The following NUDT21 variants were observed in gnomAD, a reference collection of about 807,000 sequenced individuals.
The protein encoded by NUDT21 is cleavage and polyadenylation specificity factor subunit 5.
A neutral mutation model predicts 29.8 loss-of-function variants in NUDT21; 5 were observed. The observed-to-expected ratio is 0.17, with a 90% CI of 0.09 to 0.35. NUDT21 has a LOEUF of 0.35. NUDT21 is among the 10% of genes least tolerant of loss of function. NUDT21 has a pLI of 1.00. For missense variants in NUDT21, 76 were observed against 276.0 expected, an observed-to-expected ratio of 0.28 and a Z score of 5.13; for synonymous variants, 113 against 98.5, an observed-to-expected ratio of 1.15 and a Z score of -0.87.
intron 4 of NUDT21, among the ~76,000 whole-genome samples, chr16:56,437,966 G>A (rs758235486): frequency 6.6e-6 from 1 of 151,958 alleles, no homozygotes; most frequent in Non-Finnish European, 1.5e-5. Context: ...CAACCCTTAT[G>A]AATTCATAGA....
chr16:56,449,420 A>G (rs74389740), intron 1 of NUDT21, among the ~76,000 whole-genome samples: 6,334 of 152,322 alleles, frequency 0.042, 159 homozygotes, highest in East Asian at 0.13. Context: ...TTCATGCAAT[A>G]TTTCCTAAAA....
At chr16:56,436,964 G>C (rs1258254613) in intron 4 of NUDT21, among the ~76,000 whole-genome samples, 2 of 152,150 alleles carry the variant, frequency 1.3e-5, no homozygotes, top group African/African-American at 4.8e-5. Flanking sequence ...GAAAACCACT[G>C]GGGTCACTAC....
chr16:56,436,697 T>C (rs1036691289), intron 4 of NUDT21, among the ~76,000 whole-genome samples: 1 of 152,204 alleles, frequency 6.6e-6, no homozygotes, highest in African/African-American at 2.4e-5. Context: ...AGGCTACATG[T>C]TCCTATTTTT....
Position 56,439,623 on chromosome 16 carries a change from C to T in NUDT21, c.471+34G>A, listed in dbSNP as rs1222837145. ...CTAGAATTAAACGAGCTTTCTGCTT[C>T]CAAAATGCCCAGCAAATGTAACTGA... On this transcript the variant is annotated intron_variant, in intron 4 of 6. Coordinates refer to ENST00000300291, the MANE Select transcript of NUDT21 (RefSeq NM_007006.3). 4 of 1,387,134 alleles carry T rather than the reference C, an allele frequency of 2.9e-6. No individual in the cohort carries two copies. In the African/African-American group the frequency reaches 4.2e-5, roughly 15 times the overall value. 85.9% of individuals were successfully genotyped at this position (1,387,134 alleles called of 1,614,324 possible).
rs1360284218 is a variant in NUDT21 at position 56,432,335 on chromosome 16, G to C, written c.*377C>G. The C allele has an allele frequency of 5.9e-6, 1 of 170,186 alleles. No homozygotes were observed. Among genetic ancestry groups the C allele is most frequent in the East Asian group, 1.6e-4 (1 of 6,330 alleles). The allele number at this position is 170,186 out of a possible 1,614,324, so 10.5% of individuals were successfully genotyped here. A position where few individuals can be genotyped will look rare whatever the true frequency, so the allele number is the denominator to read the frequency against. On this transcript the variant is annotated 3_prime_UTR_variant, in exon 7 of 7. Transcript: ENST00000300291. ...TGCCCAAGAATGGTATCAAAGCAAG[G>C]GTCCAATAAACTTGACTGACTTAAA...
At position 56,451,197 on chromosome 16, in the gene NUDT21, A is replaced by C. The variant is rs745765331; in HGVS notation, c.6T>G (p.Ser2=). 3.1e-6 allele frequency: 5 copies of C among 1,601,052 alleles called. No individual in the cohort carries two copies. The South Asian group carries it at 5.6e-5, about 18-fold the overall frequency. Residue 2 remains serine (S), a synonymous_variant, in exon 1 of 7, where the codon TCT becomes TCG. Transcript: ENST00000300291. ...TCTGCGAGCGATTGGGCGGTACCAC[A>C]GACATGCTGGCGAGCTCCGGCGCTG... M[S]VVPPNRSQTG... is the part of the protein sequence containing the mutation.
At chr16:56,449,051 T>G (rs1250214106) in intron 1 of NUDT21, 1 of 152,196 alleles carries the variant, frequency 6.6e-6, no homozygotes, top group Admixed American at 6.5e-5. Context: ...ACATCCCCGG[T>G]AGATCCAATG....
chr16:56,446,761 T>G, intron 2 of NUDT21, 72 bp from the exon 3 acceptor site: 1 of 906,314 alleles, frequency 1.1e-6, no homozygotes, highest in Non-Finnish European at 1.7e-6. Context: ...CAATAATTGT[T>G]ATTTCTACCA....
intron 3 of NUDT21, among the ~76,000 whole-genome samples, chr16:56,442,120 G>C (rs1363264051): frequency 6.6e-6 from 1 of 152,136 alleles, no homozygotes; most frequent in Non-Finnish European, 1.5e-5. Context: ...AGGCTCACGT[G>C]ATCTGCCCAT....
intron 3 of NUDT21, among the ~76,000 whole-genome samples, chr16:56,440,873 G>A (rs1962152376): frequency 1.3e-5 from 2 of 151,922 alleles, no homozygotes; most frequent in African/African-American, 4.8e-5. Flanking sequence ...GGAGTAGGTG[G>A]GATTACAGGC....
intron 3 of NUDT21, chr16:56,446,355 G>C (rs59720264): frequency 3.5e-6 from 1 of 289,418 alleles, no homozygotes; most frequent in African/African-American, 2.2e-5. Context: ...AGGAATTAGC[G>C]CATGTAAAGC....
intron 1 of NUDT21, 28 bp downstream of exon 1, chr16:56,451,059 A>G (rs1361109194): frequency 1.9e-6 from 3 of 1,593,328 alleles, no homozygotes; most frequent in Admixed American, 1.7e-5. Context: ...CACGAGAGAA[A>G]TGCCCGCCAA....
At chr16:56,437,520 G>GA (rs1272617405) in intron 4 of NUDT21, among the ~76,000 whole-genome samples, 1 of 152,162 alleles carries the variant, frequency 6.6e-6, no homozygotes, top group East Asian at 1.9e-4. Context: ...AGCTATGTTT[G>GA]AAAAGTATCA....
chr16:56,440,960 G>C (rs932816174), intron 3 of NUDT21, among the ~76,000 whole-genome samples: 1 of 151,928 alleles, frequency 6.6e-6, no homozygotes, highest in African/African-American at 2.4e-5. Context: ...GGCTGGTCTC[G>C]AACTCCTGAC....
chr16:56,436,576 GAA>G (rs1567538151), intron 4 of NUDT21, among the ~76,000 whole-genome samples: 1 of 152,222 alleles, frequency 6.6e-6, no homozygotes, highest in African/African-American at 2.4e-5. Flanking sequence ...CAGTCACAGA[GAA>G]AGTGGCCTGA....
At chr16:56,439,546 G>A (rs1962138518) in intron 4 of NUDT21, 111 bp downstream of exon 4, 7 of 768,746 alleles carry the variant, frequency 9.1e-6, no homozygotes, top group Non-Finnish European at 1.6e-5. Flanking sequence ...AATTAAGGAG[G>A]GAAGAAAAGA....
intron 3 of NUDT21, among the ~76,000 whole-genome samples, chr16:56,440,325 G>A (rs1962145624): frequency 6.6e-6 from 1 of 152,194 alleles, no homozygotes; most frequent in East Asian, 1.9e-4. Flanking sequence ...AAGCACATTT[G>A]TCAAACTAAT....
In NUDT21 at chr16:56,447,887, T is replaced by C. The variant is rs1304410376; in HGVS notation, c.219A>G (p.Lys73=). ...CTTCTACAGTCCTCCTCATTCCAATTTTATCAAATTCTTCCCTCATGCGCT... is the reference window on the plus strand; with the variant it reads ...CTTCTACAGTCCTCCTCATTCCAATCTTATCAAATTCTTCCCTCATGCGCT... ...RFQRMREEFD[K]IGMRRTVEGV... Residue 73 remains lysine (K), a synonymous_variant, in exon 2 of 7, where the codon AAA becomes AAG. Transcript: ENST00000300291. 5 of 1,614,016 alleles carry C rather than the reference T, an allele frequency of 3.1e-6. No homozygotes were observed. Among genetic ancestry groups the C allele is most frequent in the Non-Finnish European group, 4.2e-6 (5 of 1,179,996 alleles).
At chr16:56,445,484 T>C (rs1362635586) in intron 3 of NUDT21, among the ~76,000 whole-genome samples, 2 of 152,224 alleles carry the variant, frequency 1.3e-5, no homozygotes, top group Non-Finnish European at 2.9e-5. Context: ...TTATTGACTA[T>C]AGTCACCCTG....
Sources: allele counts gnomAD v4.1 joint callset (sites outside exome capture counted in the v4.1 genomes callset), GRCh38; gene constraint gnomAD v4.1.1; transcripts MANE v1.5; gene names NCBI Gene and HGNC (gene_info 2026-07-23, HGNC 2026-07-21).